The following TFPI variants were observed in gnomAD, a reference collection of about 807,000 sequenced individuals.
TFPI encodes tissue factor pathway inhibitor.
A neutral mutation model predicts 34.6 loss-of-function variants in TFPI; 15 were observed. That is an observed-to-expected ratio of 0.43 (90% confidence interval 0.29 to 0.67). The LOEUF is 0.67. TFPI is among the 30% of genes least tolerant of loss of function. The pLI is 0.15. For synonymous variants in TFPI, 105 were observed against 120.1 expected (o/e 0.87, Z 0.82); for missense variants, 301 against 364.0 (o/e 0.83, Z 1.41).
chr2:187,488,234 C>G, intron 4 of TFPI, 103 bp downstream of exon 4: 1 of 865,936 alleles, frequency 1.2e-6, no homozygotes, highest in Non-Finnish European at 1.8e-6. Context: ...AATATCTATA[C>G]TGAATCAGGG....
rs955086150 is a variant in TFPI, at chr2:187,522,667, A to G, written c.-2-18897T>C. ...GGGAGGCGGAGGTGGGTGGATCACGAGGTCAGGAGATCAAGACCATCCTGG... is the reference window on the plus strand; with the variant it reads ...GGGAGGCGGAGGTGGGTGGATCACGGGGTCAGGAGATCAAGACCATCCTGG... On this transcript the variant is annotated intron_variant, in intron 1 of 7. Transcript: ENST00000233156. 4.1e-5 allele frequency among the ~76,000 whole-genome samples: 6 copies of G among 147,156 alleles called. 1 individual carries two copies. Among genetic ancestry groups the G allele is most frequent in the African/African-American group, 1.5e-4 (6 of 39,680 alleles).
chr2:187,467,689 T>G, intron 7 of TFPI, 64 bp downstream of exon 7: 1 of 1,355,228 alleles, frequency 7.4e-7, no homozygotes, highest in Non-Finnish European at 9.8e-7. Context: ...CTTAATAGAT[T>G]ATCATTTCAA....
chr2:187,508,290 AT>A (rs1474267955), intron 1 of TFPI, among the ~76,000 whole-genome samples: 5 of 152,052 alleles, frequency 3.3e-5, no homozygotes, highest in Admixed American at 1.3e-4. Context: ...CCTTGGCTAT[AT>A]GGGCTGTTTT....
chr2:187,469,429 A>G (rs1691904346), intron 6 of TFPI, among the ~76,000 whole-genome samples: 1 of 152,062 alleles, frequency 6.6e-6, no homozygotes, highest in Non-Finnish European at 1.5e-5. Flanking sequence ...GTAGCCCTTT[A>G]TGTTTTACCT....
rs1298862495 is a variant in TFPI at position 187,466,382 on chromosome 2, C to T, written c.*554G>A. The T allele has an allele frequency of 1.3e-5, 2 of 152,090 alleles. No individual in the cohort carries two copies. Among genetic ancestry groups the T allele is most frequent in the East Asian group, 3.9e-4 (2 of 5,184 alleles). The allele number at this position is 152,090 out of a possible 1,614,324, so 9.4% of individuals were successfully genotyped here. ...GTTTAGCTCAATATAGATGGAAGTA[C>T]TGGTTAGTACAAAAGGAGAAAAACT... On this transcript the variant is annotated 3_prime_UTR_variant, in exon 8 of 8. Coordinates refer to ENST00000233156, the MANE Select transcript of TFPI (RefSeq NM_006287.6).
chr2:187,532,679 C>T (rs1168999029), intron 1 of TFPI, among the ~76,000 whole-genome samples: 1 of 152,010 alleles, frequency 6.6e-6, no homozygotes, highest in African/African-American at 2.4e-5. Flanking sequence ...TACCAAGCTG[C>T]GGGAGTTTTT....
Position 187,465,843 on chromosome 2 carries a change from G to GGAGGTTGTT in TFPI, c.*1084_*1092dup, listed in dbSNP as rs564991088. The GGAGGTTGTT allele has an allele frequency of 1.3e-5, 2 of 152,150 alleles. No homozygotes were observed. Among genetic ancestry groups the GGAGGTTGTT allele is most frequent in the Non-Finnish European group, 2.9e-5 (2 of 68,038 alleles). The allele number at this position is 152,150 out of a possible 1,614,324, so 9.4% of individuals were successfully genotyped here. A position where few individuals can be genotyped will look rare whatever the true frequency, so the allele number is the denominator to read the frequency against. ...AACACTACAGAAACTGACATGTCTTGGAGGTTGTTGAGGTTGTTGAGGTTG... is the reference window on the plus strand; with the variant it reads ...AACACTACAGAAACTGACATGTCTTGGAGGTTGTTGAGGTTGTTGAGGTTGTTGAGGTTG... On this transcript the variant is annotated 3_prime_UTR_variant, in exon 8 of 8. Transcript: ENST00000233156.
intron 6 of TFPI, among the ~76,000 whole-genome samples, chr2:187,481,057 A>G (rs974988696): frequency 1.3e-5 from 2 of 152,056 alleles, no homozygotes; most frequent in African/African-American, 4.8e-5. Context: ...GAAAAACATT[A>G]AAATTATATT....
chr2:187,543,877 G>A (rs994809860), intron 1 of TFPI, among the ~76,000 whole-genome samples: 2 of 152,186 alleles, frequency 1.3e-5, no homozygotes, highest in Non-Finnish European at 2.9e-5. Context: ...TGTCCTGTCT[G>A]TAAGTGACAC....
At chr2:187,508,833 T>A (rs1279554153) in intron 1 of TFPI, among the ~76,000 whole-genome samples, 1 of 152,182 alleles carries the variant, frequency 6.6e-6, no homozygotes, top group Non-Finnish European at 1.5e-5. Flanking sequence ...CAATACTATG[T>A]TGAGTAAGAG....
chr2:187,474,391 C>T (rs1327221877), intron 6 of TFPI, among the ~76,000 whole-genome samples: 1 of 151,842 alleles, frequency 6.6e-6, no homozygotes, highest in South Asian at 2.1e-4. Context: ...GAGAACATAA[C>T]ACAAAAAAGA....
intron 1 of TFPI, among the ~76,000 whole-genome samples, chr2:187,504,849 A>G (rs1340676089): frequency 6.6e-6 from 1 of 152,146 alleles, no homozygotes; most frequent in Non-Finnish European, 1.5e-5. Flanking sequence ...TCACAGCTGC[A>G]ATATACACCA....
chr2:187,483,829 G>A lies in TFPI; in HGVS notation c.628+295C>T, dbSNP rs560779760. ...CTTACACTGAGGCTGATAATTCCTA[G>A]CACCATTTTACAAAATAAATTTGGC... is the stretch of plus-strand genomic sequence containing the variant. On this transcript the variant is annotated intron_variant, in intron 6 of 7. Coordinates refer to ENST00000233156, the MANE Select transcript of TFPI (RefSeq NM_006287.6). The A allele has an allele frequency of 8.7e-6, 3 of 345,198 alleles. No individual in the cohort carries two copies. The Admixed American group carries it at 1.4e-4, about 16-fold the overall frequency. The allele number at this position is 345,198 out of a possible 1,614,324, so 21.4% of individuals were successfully genotyped here.
At chr2:187,538,758 A>C (rs1688405228) in intron 1 of TFPI, among the ~76,000 whole-genome samples, 1 of 152,092 alleles carries the variant, frequency 6.6e-6, no homozygotes, top group South Asian at 2.1e-4. Flanking sequence ...AACTTTCCAA[A>C]CTGACTTGCA....
At chr2:187,546,006 A>G (rs1688839482) in intron 1 of TFPI, among the ~76,000 whole-genome samples, 1 of 152,108 alleles carries the variant, frequency 6.6e-6, no homozygotes, top group Non-Finnish European at 1.5e-5. Context: ...GAAAATTAAG[A>G]ACAGGGCAAA....
In TFPI at chr2:187,487,101, A is replaced by C. The variant is rs8176505; in HGVS notation, c.358+1236T>G. ...CTTTATAGCATAATTTTACCTAAAA[A>C]TAGTACCTGTATTTAATTTTTCTCT... On this transcript the variant is annotated intron_variant, in intron 4 of 7. Transcript: ENST00000233156. Among the ~76,000 whole-genome samples, 504 of 151,648 alleles carry C rather than the reference A, an allele frequency of 3.3e-3. 3 individuals carry two copies. Among genetic ancestry groups the C allele is most frequent in the African/African-American group, 0.012 (482 of 41,516 alleles).
intron 1 of TFPI, among the ~76,000 whole-genome samples, chr2:187,504,762 G>A (rs1257709133): frequency 6.6e-6 from 1 of 152,036 alleles, no homozygotes; most frequent in African/African-American, 2.4e-5. Context: ...GATCTTATCA[G>A]CAAACATTCA....
At chr2:187,507,089 T>C (rs1686276191) in intron 1 of TFPI, among the ~76,000 whole-genome samples, 1 of 151,962 alleles carries the variant, frequency 6.6e-6, no homozygotes, top group South Asian at 2.1e-4. Flanking sequence ...CCCCGGTATG[T>C]GATGTTCCCT....
At chr2:187,511,776 G>A (rs2106161767) in intron 1 of TFPI, among the ~76,000 whole-genome samples, 1 of 152,060 alleles carries the variant, frequency 6.6e-6, no homozygotes. Context: ...GTGGTTGAGA[G>A]AACAGCAGCA....
Sources: allele counts gnomAD v4.1 joint callset (sites outside exome capture counted in the v4.1 genomes callset), GRCh38; gene constraint gnomAD v4.1.1; transcripts MANE v1.5; gene names NCBI Gene and HGNC (gene_info 2026-07-23, HGNC 2026-07-21).